The following AXIN1 variants were observed in gnomAD, a reference collection of about 807,000 sequenced individuals.
AXIN1 encodes axin-1.
AXIN1 carries 30 observed loss-of-function variants against 76.4 expected under a neutral mutation model. The ratio of observed to expected loss-of-function variants is 0.39; its 90% CI spans 0.29 to 0.53. The LOEUF is 0.53. AXIN1 is among the 20% of genes least tolerant of loss of function. The probability of loss-of-function intolerance (pLI) is 0.66; values close to 1 mark genes in which losing one functional copy is unlikely to be tolerated. For synonymous variants in AXIN1, 545 were observed against 501.4 expected (o/e 1.09, Z -1.16); for missense variants, 1,140 against 1,198.8 (o/e 0.95, Z 0.72).
At chr16:307,032 G>T (rs2053045649) in intron 4 of AXIN1, among the ~76,000 whole-genome samples, 1 of 152,266 alleles carries the variant, frequency 6.6e-6, no homozygotes, top group African/African-American at 2.4e-5. Context: ...CCCAGTGCTG[G>T]GCAAGGCGCA....
At chr16:297,034 T>C (rs1454154570) in intron 7 of AXIN1, 22 bp downstream of exon 7, 1 of 1,608,076 alleles carries the variant, frequency 6.2e-7, no homozygotes, top group South Asian at 1.1e-5. Context: ...CCCACGAGGC[T>C]GGCTGCGTGC....
At chr16:339,100 G>A (rs1479630942) in intron 2 of AXIN1, among the ~76,000 whole-genome samples, 1 of 151,408 alleles carries the variant, frequency 6.6e-6, no homozygotes, top group African/African-American at 2.4e-5. Flanking sequence ...CCTTTGGGCA[G>A]GGTGTGGTGG....
In AXIN1 at chr16:287,919, T is replaced by C; in HGVS notation, c.*203A>G. ...TATTGCTATGAGGAGTGGTCCAGGC[T>C]GCCTCCTTGGGGGCAGGACAGAAGC... On this transcript the variant is annotated 3_prime_UTR_variant, in exon 11 of 11. Transcript: ENST00000262320. The C allele has an allele frequency of 1.3e-6, 1 of 795,638 alleles. No homozygotes were observed. The highest frequency in any genetic ancestry group is 1.6e-5 in the South Asian group (1 of 63,958). The allele number at this position is 795,638 out of a possible 1,614,324, so 49.3% of individuals were successfully genotyped here.
intron 2 of AXIN1, among the ~76,000 whole-genome samples, chr16:336,829 A>C (rs1001974224): frequency 8.3e-4 from 124 of 150,178 alleles, no homozygotes; most frequent in South Asian, 7.6e-3. Context: ...AAAAAAAAAA[A>C]AAAAACAAAA....
At position 288,172 on chromosome 16, in the gene AXIN1, G is replaced by C. The variant is rs149865527; in HGVS notation, c.2539C>G (p.Leu847Val). The change falls in exon 11 of 11, where the codon CTG (leucine) becomes GTG (valine). Residue 847 changes from leucine (L) to valine (V), a missense_variant. Physicochemically the swap from Leu to Val is conservative, Grantham distance 32 (BLOSUM62 1). Around this residue, in one of 3 missense-constraint regions of AXIN1, gnomAD observed 429 missense variants for 405.8 expected, o/e 1.06. Transcript: ENST00000262320. ...FEEVREDEAVLPVFEEKIIGK... is the reference protein window; with the variant it reads ...FEEVREDEAVVPVFEEKIIGK... The stretch of plus-strand genomic sequence containing the variant: ...ATGATCTTCTCCTCAAAGACGGGCA[G>C]GACGGCCTCGTCCTCTCGAACCTCC... 6.2e-7 allele frequency: 1 copy of C among 1,613,690 alleles called. No homozygotes were observed. Among genetic ancestry groups the C allele is most frequent in the Non-Finnish European group, 8.5e-7 (1 of 1,180,010 alleles).
Position 298,048 on chromosome 16 carries a change from C to T in AXIN1, c.1458G>A (p.Ser486=), listed in dbSNP as rs778746941. The change falls in exon 6 of 11, where the codon TCG becomes TCA. Residue 486 remains serine, a synonymous_variant. Transcript: ENST00000262320. The stretch of plus-strand genomic sequence containing the variant: ...CCGGGGAGCGATGGCCAGGCCCAGG[C>T]GACTGGCGGCCAGGTGTCCTCAGCA... ...QRVLRTPGRQ[S]PGPGHRSPDS... is the part of the protein sequence containing the mutation. 9.0e-5 allele frequency: 142 copies of T among 1,580,428 alleles called. 1 individual carries two copies. In the South Asian group the frequency reaches 1.2e-3, roughly 13 times the overall value.
intron 2 of AXIN1, among the ~76,000 whole-genome samples, chr16:330,649 C>T (rs138011502): frequency 3.9e-5 from 6 of 152,356 alleles, no homozygotes; most frequent in Non-Finnish European, 8.8e-5. Context: ...AATGGCTTCA[C>T]ATCACATTTT....
At position 289,434 on chromosome 16, in the gene AXIN1, A is replaced by T. The variant is rs1567256386; in HGVS notation, c.2462+6T>A. On this transcript the variant is annotated splice_donor_region_variant and intron_variant, in intron 10 of 10. Transcript: ENST00000262320. ...GGGGAGGGGGCACCCCAGCCCTCAC[A>T]CTCACCTGTAGCTGCCCTTTTTGGT... The T allele has an allele frequency of 6.2e-7, 1 of 1,612,754 alleles. No individual in the cohort carries two copies. Among genetic ancestry groups the T allele is most frequent in the Non-Finnish European group, 8.5e-7 (1 of 1,179,956 alleles).
At chr16:308,601 G>A (rs2053090082) in intron 4 of AXIN1, among the ~76,000 whole-genome samples, 1 of 152,246 alleles carries the variant, frequency 6.6e-6, no homozygotes, top group Non-Finnish European at 1.5e-5. Flanking sequence ...CGGCTCCGCG[G>A]GTTCTTGACG....
At chr16:337,422 A>G (rs879571380) in intron 2 of AXIN1, among the ~76,000 whole-genome samples, 1 of 151,592 alleles carries the variant, frequency 6.6e-6, no homozygotes, top group Non-Finnish European at 1.5e-5. Flanking sequence ...GGGTTATTTT[A>G]AATGTTTGTT....
intron 2 of AXIN1, among the ~76,000 whole-genome samples, chr16:329,421 G>GAC (rs1345381939): frequency 6.6e-6 from 1 of 151,998 alleles, no homozygotes; most frequent in African/African-American, 2.4e-5. Flanking sequence ...TGGGATATCA[G>GAC]ACCATTTCTT....
Position 296,933 on chromosome 16 carries a change from G to A in AXIN1, c.1955+123C>T, listed in dbSNP as rs1457038937. 7 of 1,218,124 alleles carry A rather than the reference G, an allele frequency of 5.7e-6. No individual in the cohort carries two copies. In the African/African-American group the frequency reaches 8.9e-5, roughly 15 times the overall value. 75.5% of individuals were successfully genotyped at this position (1,218,124 alleles called of 1,614,324 possible). ...CCCGGGAGGGTGCCACAGTGACAGG[G>A]GAAGTGTGAGGCGTCACAGGCGACA... On this transcript the variant is annotated intron_variant, in intron 7 of 10. Coordinates refer to ENST00000262320, the MANE Select transcript of AXIN1 (RefSeq NM_003502.4).
chr16:306,294 G>C (rs143703855), intron 4 of AXIN1, among the ~76,000 whole-genome samples: 2 of 152,190 alleles, frequency 1.3e-5, no homozygotes, highest in Admixed American at 1.3e-4. Context: ...AACTGACCCT[G>C]ATACAATAAC....
chr16:348,881 G>A (rs1033676223), intron 1 of AXIN1, among the ~76,000 whole-genome samples: 2 of 151,700 alleles, frequency 1.3e-5, no homozygotes, highest in Admixed American at 1.3e-4. Context: ...GGCGGATCAC[G>A]AGGTCAAGAG....
At chr16:339,621 G>A (rs920767184) in intron 2 of AXIN1, among the ~76,000 whole-genome samples, 6 of 152,048 alleles carry the variant, frequency 3.9e-5, no homozygotes, top group Admixed American at 3.9e-4. Flanking sequence ...GGCGGAGGCT[G>A]CAGTAAGCCG....
At chr16:300,188 C>A (rs2052833821) in intron 5 of AXIN1, among the ~76,000 whole-genome samples, 3 of 151,992 alleles carry the variant, frequency 2.0e-5, no homozygotes, top group Non-Finnish European at 4.4e-5. Flanking sequence ...GTGATCCACC[C>A]ACCTTGGCCT....
At chr16:306,995 C>A (rs1253432900) in intron 4 of AXIN1, among the ~76,000 whole-genome samples, 1 of 152,222 alleles carries the variant, frequency 6.6e-6, no homozygotes, top group Non-Finnish European at 1.5e-5. Flanking sequence ...GGCTGGGTGG[C>A]TGGGGGGCCA....
At chr16:342,641 A>C (rs967902814) in intron 2 of AXIN1, among the ~76,000 whole-genome samples, 3 of 152,352 alleles carry the variant, frequency 2.0e-5, no homozygotes, top group Admixed American at 6.5e-5. Context: ...CAGCGCACGC[A>C]CCGTGACTGT....
rs530002644 is a variant in AXIN1, at chr16:299,800, T to C, written c.1255-1549A>G. 2.0e-4 allele frequency among the ~76,000 whole-genome samples: 30 copies of C among 148,420 alleles called. 1 individual carries two copies. The highest frequency in any genetic ancestry group is 1.0e-3 in the Admixed American group (15 of 14,914). ...CCTGCCCAGTAGCTGGGACTACAGG[T>C]GCCCGCCACCACGCCCGGCTAATTT... On this transcript the variant is annotated intron_variant, in intron 5 of 10. Transcript: ENST00000262320.
Sources: allele counts gnomAD v4.1 joint callset (sites outside exome capture counted in the v4.1 genomes callset), GRCh38; gene constraint gnomAD v4.1.1; regional missense constraint gnomAD v4.1.1; transcripts MANE v1.5; gene names NCBI Gene and HGNC (gene_info 2026-07-23, HGNC 2026-07-21).